Variants in DLGAP2 observed in about 807,000 individuals in gnomAD.
The protein encoded by DLGAP2 is disks large-associated protein 2.
DLGAP2 carries 26 observed loss-of-function variants against 100.3 expected under a neutral mutation model. The ratio of observed to expected loss-of-function variants is 0.26; its 90% CI spans 0.19 to 0.36. The LOEUF is 0.36. DLGAP2 is among the 10% of genes least tolerant of loss of function. The pLI is 1.00. For synonymous variants in DLGAP2, 886 were observed against 630.1 expected (o/e 1.41, Z -6.08); for missense variants, 1,858 against 1,453.2 (o/e 1.28, Z -4.53).
At chr8:1,255,641 TC>T (rs1799184989) in intron 2 of DLGAP2, among the ~76,000 whole-genome samples, 1 of 139,026 alleles carries the variant, frequency 7.2e-6, no homozygotes, top group Non-Finnish European at 1.5e-5. Context: ...TGTGTCCTCA[TC>T]CTGCCCGGGC....
At chr8:1,591,768 G>T (rs1032224293) in intron 6 of DLGAP2, among the ~76,000 whole-genome samples, 4 of 152,176 alleles carry the variant, frequency 2.6e-5, no homozygotes, top group Non-Finnish European at 4.4e-5. Context: ...TGGATCTCCA[G>T]CGGGAGGCCC....
intron 6 of DLGAP2, among the ~76,000 whole-genome samples, chr8:1,573,364 G>C (rs557881402): frequency 1.4e-5 from 2 of 140,574 alleles, no homozygotes; most frequent in East Asian, 4.3e-4. Flanking sequence ...GTGAACTGTG[G>C]GGGCGTCTGA....
At chr8:1,311,166 C>T (rs1353681710) in intron 3 of DLGAP2, among the ~76,000 whole-genome samples, 1 of 151,996 alleles carries the variant, frequency 6.6e-6, no homozygotes, top group Admixed American at 6.5e-5. Flanking sequence ...CACCAATAAA[C>T]TAGTTAACCC....
chr8:1,180,023 A>C (rs528295494), intron 2 of DLGAP2, among the ~76,000 whole-genome samples: 1 of 152,312 alleles, frequency 6.6e-6, no homozygotes, highest in Non-Finnish European at 1.5e-5. Flanking sequence ...TGAACACATA[A>C]TTTTTTTATT....
chr8:849,787 A>G (rs1445864329), intron 1 of DLGAP2, among the ~76,000 whole-genome samples: 4 of 152,194 alleles, frequency 2.6e-5, no homozygotes, highest in Non-Finnish European at 4.4e-5. Flanking sequence ...CACTTAAAAA[A>G]GCTAGGTTGC....
At position 1,541,531 on chromosome 8, in the gene DLGAP2, G is replaced by C. The variant is rs541946359; in HGVS notation, c.173-7095G>C. On this transcript the variant is annotated intron_variant, in intron 4 of 14. Transcript: ENST00000637795. ...TGGGTGATGCTGAGGTATAGCCTCGGTTTAAAGCCCTTTGAACTATGGAAA... is the reference window on the plus strand; with the variant it reads ...TGGGTGATGCTGAGGTATAGCCTCGCTTTAAAGCCCTTTGAACTATGGAAA... Among the ~76,000 whole-genome samples the C allele has an allele frequency of 2.0e-5, 3 of 152,244 alleles. No individual in the cohort carries two copies. The East Asian group carries it at 5.8e-4, about 29-fold the overall frequency.
At chr8:1,624,266 CCAGCAATCT>C (rs1410706041) in intron 6 of DLGAP2, among the ~76,000 whole-genome samples, 1 of 152,008 alleles carries the variant, frequency 6.6e-6, no homozygotes, top group African/African-American at 2.4e-5. Flanking sequence ...GGGTATGAAA[CCAGCAATCT>C]CAAGGAAGCA....
chr8:1,040,298 AGCTCGGTGTGCATGGTCG>A (rs1802297756), intron 2 of DLGAP2, among the ~76,000 whole-genome samples: 1 of 104,870 alleles, frequency 9.5e-6, no homozygotes, highest in Admixed American at 9.7e-5. Context: ...TTCCGTGGTC[AGCTCGGTGTGCATGGTCG>A]GCTCAGTGTG....
intron 8 of DLGAP2, among the ~76,000 whole-genome samples, chr8:1,660,963 G>A (rs1398104455): frequency 6.6e-6 from 1 of 152,176 alleles, no homozygotes; most frequent in Non-Finnish European, 1.5e-5. Context: ...CAGCAACAAG[G>A]CTGCTGGAAC....
At chr8:1,429,992 A>G (rs1797365962) in intron 3 of DLGAP2, among the ~76,000 whole-genome samples, 1 of 94,316 alleles carries the variant, frequency 1.1e-5, no homozygotes, top group Non-Finnish European at 2.1e-5. Flanking sequence ...AGAAGGGGAG[A>G]GATGCATATA....
At chr8:1,443,321 A>C (rs1252182818) in intron 3 of DLGAP2, among the ~76,000 whole-genome samples, 2 of 151,868 alleles carry the variant, frequency 1.3e-5, no homozygotes, top group African/African-American at 4.8e-5. Flanking sequence ...TAACATTTGG[A>C]TGTTAATACT....
intron 1 of DLGAP2, among the ~76,000 whole-genome samples, chr8:807,180 T>G (rs1796286387): frequency 1.3e-5 from 2 of 152,234 alleles, no homozygotes; most frequent in Non-Finnish European, 2.9e-5. Flanking sequence ...CATCCTAAAC[T>G]CCGAGTTCTT....
chr8:1,636,917 A>G (rs1032208792), intron 8 of DLGAP2, among the ~76,000 whole-genome samples: 1 of 152,270 alleles, frequency 6.6e-6, no homozygotes, highest in African/African-American at 2.4e-5. Flanking sequence ...GTGATTTGAA[A>G]TCACAAAATA....
At position 1,070,365 on chromosome 8, in the gene DLGAP2, C is replaced by T. The variant is rs574857624; in HGVS notation, c.73+162399C>T. 3.0e-3 allele frequency among the ~76,000 whole-genome samples: 456 copies of T among 152,320 alleles called. 3 individuals are homozygous for T. Among genetic ancestry groups the T allele is most frequent in the Non-Finnish European group, 4.7e-3 (321 of 68,038 alleles). ...GAGCAGCGGCTGACATGGGCTCGTC[C>T]TGCCATGGCCCAATAAATCTCGTGG... On this transcript the variant is annotated intron_variant, in intron 2 of 14. Coordinates refer to ENST00000637795, the MANE Select transcript of DLGAP2 (RefSeq NM_001346810.2).
intron 1 of DLGAP2, among the ~76,000 whole-genome samples, chr8:841,676 G>C (rs1321618294): frequency 1.3e-5 from 2 of 152,026 alleles, no homozygotes; most frequent in African/African-American, 4.8e-5. Context: ...TGAACTCCTG[G>C]GCTCAAGCGA....
intron 3 of DLGAP2, among the ~76,000 whole-genome samples, chr8:1,276,422 G>A (rs1049043096): frequency 5.9e-5 from 9 of 152,226 alleles, no homozygotes; most frequent in East Asian, 1.9e-4. Flanking sequence ...AAACCCACCC[G>A]GCTTTGCTGA....
chr8:1,475,110 A>G (rs982276324), intron 3 of DLGAP2, among the ~76,000 whole-genome samples: 1 of 152,162 alleles, frequency 6.6e-6, no homozygotes, highest in Non-Finnish European at 1.5e-5. Context: ...TCACTATCCT[A>G]AGTGAATCAA....
intron 6 of DLGAP2, among the ~76,000 whole-genome samples, chr8:1,616,910 G>T (rs767651723): frequency 6.6e-6 from 1 of 152,096 alleles, no homozygotes; most frequent in Non-Finnish European, 1.5e-5. Flanking sequence ...GGAGGCCCCA[G>T]TATGTGTAGT....
chr8:1,084,830 G>T (rs558175073), intron 2 of DLGAP2, among the ~76,000 whole-genome samples: 4 of 152,168 alleles, frequency 2.6e-5, no homozygotes, highest in African/African-American at 9.7e-5. Context: ...TGGAGCTTCA[G>T]TGACCATGGG....
Sources: allele counts gnomAD v4.1 joint callset (sites outside exome capture counted in the v4.1 genomes callset), GRCh38; gene constraint gnomAD v4.1.1; transcripts MANE v1.5; gene names NCBI Gene and HGNC (gene_info 2026-07-23, HGNC 2026-07-21).